The following AMDHD1 variants were observed in gnomAD, a reference collection of about 807,000 sequenced individuals.
AMDHD1 encodes probable imidazolonepropionase.
A neutral mutation model predicts 44.1 loss-of-function variants in AMDHD1; 45 were observed. The ratio of observed to expected loss-of-function variants is 1.02; its 90% CI spans 0.80 to 1.31. The LOEUF (loss-of-function observed/expected upper bound fraction) is 1.31, where lower values mean the gene tolerates loss of function less well. AMDHD1 is among the 50% of genes most tolerant of loss of function. The pLI is 0.00. For synonymous variants in AMDHD1, 206 were observed against 205.0 expected, an observed-to-expected ratio of 1.00 and a Z score of -0.04; for missense variants, 586 against 552.1, an observed-to-expected ratio of 1.06 and a Z score of -0.61.
chr12:95,945,093 C>T (rs1014628212), intron 1 of AMDHD1, among the ~76,000 whole-genome samples: 9 of 152,166 alleles, frequency 5.9e-5, no homozygotes, highest in Middle Eastern at 3.2e-3. Flanking sequence ...GAGATCTCGC[C>T]ACTGCACTCC....
intron 6 of AMDHD1, among the ~76,000 whole-genome samples, chr12:95,964,928 C>CAAAAAAAAAACAA (rs2080601510): frequency 2.8e-5 from 1 of 35,832 alleles, no homozygotes; most frequent in Non-Finnish European, 4.6e-5. Context: ...ATGTTTGAGG[C>CAAAAAAAAAACAA]AAAAAAAAAA....
In AMDHD1 at chr12:95,956,947, C is replaced by G. The variant is rs1244441026; in HGVS notation, c.572C>G (p.Ala191Gly). The G allele has an allele frequency of 6.2e-7, 1 of 1,612,284 alleles. No individual in the cohort carries two copies. Among genetic ancestry groups the G allele is most frequent in the Admixed American group, 1.7e-5 (1 of 60,022 alleles). Residue 191 changes from alanine (A) to glycine (G), a missense_variant, in exon 4 of 9, where the codon GCT becomes GGT. By Grantham distance (60) the Ala-to-Gly change is moderately conservative. Transcript: ENST00000266736. Reference sequence around the variant, plus strand: ...GGCATCTCGGCTACCTACTGCGGGGCTCATTCAGTGCCTAAGTAATCTCAG... The same window carrying G: ...GGCATCTCGGCTACCTACTGCGGGGGTCATTCAGTGCCTAAGTAATCTCAG... Reference protein sequence around the residue: ...DIGISATYCGAHSVPKGKTAT... With the variant: ...DIGISATYCGGHSVPKGKTAT...
chr12:95,950,368 A>C (rs1357160146), intron 1 of AMDHD1, among the ~76,000 whole-genome samples: 1 of 151,488 alleles, frequency 6.6e-6, no homozygotes, highest in Non-Finnish European at 1.5e-5. Context: ...CTGCTCTTCC[A>C]CTCTTACATT....
intron 4 of AMDHD1, 92 bp from the exon 5 acceptor site, chr12:95,960,306 C>A: frequency 1.8e-6 from 2 of 1,082,336 alleles, no homozygotes; most frequent in Non-Finnish European, 2.7e-6. Context: ...TTTACCTCTA[C>A]TGCTCCTCAG....
At position 95,952,727 on chromosome 12, in the gene AMDHD1, A is replaced by G. The variant is rs202245192; in HGVS notation, c.148A>G (p.Ile50Val). Residue 50 changes from isoleucine to valine, a missense_variant, in exon 2 of 9, where the codon ATA becomes GTA. Physicochemically the swap from Ile to Val is conservative, Grantham distance 29. Transcript: ENST00000266736. ...TTGATTTTTCTTCAGAGATGGATTT[A>G]TAAAAGCTATTGGTCCTGCTGATGT... ...ASLVVGKDGF[I>V]KAIGPADVIQ... 1 of 1,604,496 alleles carries G rather than the reference A, an allele frequency of 6.2e-7. No homozygotes were observed. The highest frequency in any genetic ancestry group is 1.1e-5 in the South Asian group (1 of 89,654).
intron 1 of AMDHD1, among the ~76,000 whole-genome samples, chr12:95,949,243 A>G (rs1030226054): frequency 6.6e-6 from 1 of 151,916 alleles, no homozygotes; most frequent in Non-Finnish European, 1.5e-5. Flanking sequence ...TTTATCTACT[A>G]TAAAACAAGA....
Position 95,960,684 on chromosome 12 carries a change from G to A in AMDHD1, c.813+61G>A, listed in dbSNP as rs537041796. 36 of 1,500,086 alleles carry A rather than the reference G, an allele frequency of 2.4e-5. No homozygotes were observed. In the African/African-American group the frequency reaches 4.0e-4, roughly 17 times the overall value. The allele number at this position is 1,500,086 out of a possible 1,614,324, so 92.9% of individuals were successfully genotyped here. A position where few individuals can be genotyped will look rare whatever the true frequency, so the allele number is the denominator to read the frequency against. ...TCATTCTTGCACATTCATGCTATGG[G>A]AAACTTAATTAGTTTCTTCAAAGCC... On this transcript the variant is annotated intron_variant, in intron 5 of 8. Transcript: ENST00000266736.
At chr12:95,960,979 A>G (rs1049407624) in intron 5 of AMDHD1, among the ~76,000 whole-genome samples, 7 of 151,954 alleles carry the variant, frequency 4.6e-5, no homozygotes, top group African/African-American at 1.7e-4. Context: ...GTGAAACCCC[A>G]TATCTACTAA....
At chr12:95,952,520 G>T (rs934382241) in intron 1 of AMDHD1, among the ~76,000 whole-genome samples, 197 bp from the exon 2 acceptor site, 1 of 152,152 alleles carries the variant, frequency 6.6e-6, no homozygotes, top group Admixed American at 6.5e-5. Flanking sequence ...TTGCTGAGGA[G>T]GCTTTGGCTA....
intron 3 of AMDHD1, 98 bp downstream of exon 3, chr12:95,955,073 C>T (rs1205769987): frequency 8.3e-7 from 1 of 1,199,228 alleles, no homozygotes; most frequent in African/African-American, 1.5e-5. Context: ...CATATGTCAA[C>T]ATATTTTTTA....
chr12:95,962,728 TTTTC>T (rs1667458553), intron 6 of AMDHD1, among the ~76,000 whole-genome samples: 1 of 152,200 alleles, frequency 6.6e-6, no homozygotes, highest in Admixed American at 6.5e-5. Context: ...TTCTTTTTCT[TTTTC>T]TTTTTTTTCA....
intron 1 of AMDHD1, among the ~76,000 whole-genome samples, chr12:95,946,022 G>A (rs933055657): frequency 1.3e-5 from 2 of 151,182 alleles, no homozygotes; most frequent in Admixed American, 1.3e-4. Context: ...GTCTCTAAAG[G>A]TATCTCATTC....
chr12:95,957,280 T>A (rs1266516341), intron 4 of AMDHD1, among the ~76,000 whole-genome samples: 1 of 152,224 alleles, frequency 6.6e-6, no homozygotes, highest in Non-Finnish European at 1.5e-5. Context: ...TAATTAGCAT[T>A]TCTAAAAGCA....
intron 8 of AMDHD1, among the ~76,000 whole-genome samples, chr12:95,967,323 T>G (rs540692559): frequency 6.6e-6 from 1 of 152,286 alleles, no homozygotes; most frequent in Admixed American, 6.5e-5. Context: ...GAGATTTGGG[T>G]GGGCACATAG....
At position 95,952,695 on chromosome 12, in the gene AMDHD1, CTATT is replaced by C; in HGVS notation, c.138-20_138-17del. 1 of 1,456,844 alleles carries C rather than the reference CTATT, an allele frequency of 6.9e-7. No homozygotes were observed. The highest frequency in any genetic ancestry group is 1.8e-5 in the Admixed American group (1 of 56,840). 90.2% of individuals were successfully genotyped at this position (1,456,844 alleles called of 1,614,324 possible). ...CACAAGATTTCCCCAAATTTAATAA[CTATT>C]TCTTGATTTTTCTTCAGAGATGGAT... is the stretch of plus-strand genomic sequence containing the variant. On this transcript the variant is annotated intron_variant, in intron 1 of 8. Transcript: ENST00000266736.
chr12:95,964,302 G>A (rs1407734264), intron 6 of AMDHD1, among the ~76,000 whole-genome samples: 1 of 152,122 alleles, frequency 6.6e-6, no homozygotes, highest in Non-Finnish European at 1.5e-5. Flanking sequence ...GAGACCAGCA[G>A]GGCCCCCTGC....
intron 4 of AMDHD1, among the ~76,000 whole-genome samples, chr12:95,960,160 C>A (rs898623130): frequency 6.6e-6 from 1 of 152,070 alleles, no homozygotes; most frequent in Admixed American, 6.6e-5. Flanking sequence ...ATGGATAAAC[C>A]ATTTGAGTCT....
intron 8 of AMDHD1, 47 bp downstream of exon 8, chr12:95,966,555 A>G (rs747780982): frequency 1.2e-6 from 2 of 1,607,926 alleles, no homozygotes; most frequent in South Asian, 2.2e-5. Context: ...CCACTGAAGT[A>G]TGCAGATGAG....
chr12:95,957,074 G>T, intron 4 of AMDHD1, 112 bp downstream of exon 4: 6 of 1,443,008 alleles, frequency 4.2e-6, no homozygotes, highest in Non-Finnish European at 5.7e-6. Context: ...AGAAGTCTTT[G>T]GAAAGACCTG....
Sources: allele counts gnomAD v4.1 joint callset (sites outside exome capture counted in the v4.1 genomes callset), GRCh38; gene constraint gnomAD v4.1.1; transcripts MANE v1.5; gene names NCBI Gene and HGNC (gene_info 2026-07-23, HGNC 2026-07-21).